The following DNAAF1 variants were observed in gnomAD, a reference collection of about 807,000 sequenced individuals.
DNAAF1 encodes the protein dynein axonemal assembly factor 1, also known as dynein assembly factor 1, axonemal.
DNAAF1 carries 65 observed loss-of-function variants against 71.1 expected under a neutral mutation model. The ratio of observed to expected loss-of-function variants is 0.91; its 90% CI spans 0.75 to 1.12. DNAAF1 has a LOEUF of 1.12. DNAAF1 is among the 50% of genes most tolerant of loss of function. The pLI is 0.00. For missense variants in DNAAF1, 1,178 were observed against 899.8 expected (o/e 1.31, Z -3.96); for synonymous variants, 414 against 354.6 (o/e 1.17, Z -1.88).
At chr16:84,168,723 A>G (rs2088154821) in intron 7 of DNAAF1, among the ~76,000 whole-genome samples, 1 of 152,166 alleles carries the variant, frequency 6.6e-6, no homozygotes, top group African/African-American at 2.4e-5. Context: ...TTGAAATGTT[A>G]AAAATTTTCA....
rs528877267 is a variant in DNAAF1, at chr16:84,153,147, GAA to G, written c.353-1421_353-1420del. Among the ~76,000 whole-genome samples the G allele has an allele frequency of 5.5e-3, 815 of 149,518 alleles. 4 individuals are homozygous for G. The highest frequency in any genetic ancestry group is 0.019 in the African/African-American group (775 of 40,842). ...ACAGTGGTGTTGTGGCTATCTTAAA[GAA>G]AAAAAAAATCCTATCTTTTATAGAT... is the stretch of plus-strand genomic sequence containing the variant. On this transcript the variant is annotated intron_variant, in intron 3 of 11. Transcript: ENST00000378553.
chr16:84,160,016 T>C (rs2087626857), intron 6 of DNAAF1, among the ~76,000 whole-genome samples: 1 of 152,206 alleles, frequency 6.6e-6, no homozygotes, highest in African/African-American at 2.4e-5. Context: ...ATCAGTCGTT[T>C]ACCTCTTTGC....
At chr16:84,175,324 C>T in intron 10 of DNAAF1, 1 of 176,112 alleles carries the variant, frequency 5.7e-6, no homozygotes, top group Non-Finnish European at 1.2e-5. Context: ...ATTTCTATGT[C>T]CATCCTATGA....
intron 6 of DNAAF1, among the ~76,000 whole-genome samples, chr16:84,164,671 A>G (rs1057419760): frequency 6.6e-6 from 1 of 152,176 alleles, no homozygotes; most frequent in Non-Finnish European, 1.5e-5. Flanking sequence ...CACCTACTAA[A>G]AGACATCTTG....
intron 3 of DNAAF1, among the ~76,000 whole-genome samples, chr16:84,152,235 C>T (rs1376668832): frequency 1.3e-5 from 2 of 152,146 alleles, no homozygotes; most frequent in Non-Finnish European, 2.9e-5. Flanking sequence ...GGGGTAAGAG[C>T]TAGAGCAAAG....
Position 84,149,030 on chromosome 16 carries a change from T to G in DNAAF1, c.148T>G (p.Cys50Gly), listed in dbSNP as rs1268513300. Residue 50 changes from cysteine (C) to glycine (G), a missense_variant, in exon 2 of 12, where the codon TGT becomes GGT. Coordinates refer to ENST00000378553, the MANE Select transcript of DNAAF1 (RefSeq NM_178452.6). ...KEEINDPKEI[C>G]VGSSDTSYHS... ...AGAAATTAATGATCCTAAGGAAATA[T>G]GTGTGGGTTCTTCTGACACATCCTA... 2.5e-6 allele frequency: 4 copies of G among 1,614,140 alleles called. No homozygotes were observed. The Middle Eastern group carries it at 4.9e-4, about 200-fold the overall frequency.
Position 84,177,825 on chromosome 16 carries a change from C to A in DNAAF1, c.2162C>A (p.Ala721Glu). ...ACGTGGGACCTCACTGCATTCCCAG[C>A]ACCGAAAGCATCATAGTTTTCCCCA... ...LPTWDLTAFP[A>E]PKAS Residue 721 changes from alanine to glutamate, a missense_variant, in exon 12 of 12, where the codon GCA becomes GAA. Coordinates refer to ENST00000378553, the MANE Select transcript of DNAAF1 (RefSeq NM_178452.6). 1.2e-6 allele frequency: 2 copies of A among 1,613,710 alleles called. No individual in the cohort carries two copies. Among genetic ancestry groups the A allele is most frequent in the Non-Finnish European group, 8.5e-7 (1 of 1,179,682 alleles).
Position 84,170,000 on chromosome 16 carries a change from C to T in DNAAF1, c.1172C>T (p.Pro391Leu), listed in dbSNP as rs767204860. Residue 391 changes from proline to leucine, a missense_variant, in exon 8 of 12, where the codon CCG becomes CTG. Coordinates refer to ENST00000378553, the MANE Select transcript of DNAAF1 (RefSeq NM_178452.6). ...TTTGAGGCCAAGGACGAGCTCTGCC[C>T]GGAAAAGCCAAGTGGAGAGGAGCCG... ...ESFEAKDELCPEKPSGEEPPV... is the reference protein window; with the variant it reads ...ESFEAKDELCLEKPSGEEPPV... 9.6e-5 allele frequency: 155 copies of T among 1,613,792 alleles called. No individual in the cohort carries two copies. Among genetic ancestry groups the T allele is most frequent in the South Asian group, 5.1e-4 (46 of 91,078 alleles).
At chr16:84,172,563 C>A in intron 9 of DNAAF1, 188 bp downstream of exon 9, 1 of 1,427,942 alleles carries the variant, frequency 7.0e-7, no homozygotes. Context: ...TGATTAGAAT[C>A]CAACTTTCAT....
At position 84,145,633 on chromosome 16, in the gene DNAAF1, C is replaced by T. The variant is rs954979646; in HGVS notation, c.124+69C>T. ...ACGGCTAGGCGCTCCAGCCCCCTTC[C>T]CACACCACATACCCGATCTTCACAG... On this transcript the variant is annotated intron_variant, in intron 1 of 11. Transcript: ENST00000378553. 3 of 1,516,946 alleles carry T rather than the reference C, an allele frequency of 2.0e-6. No homozygotes were observed. In the Admixed American group the frequency reaches 6.0e-5, roughly 30 times the overall value. 94.0% of individuals were successfully genotyped at this position (1,516,946 alleles called of 1,614,324 possible).
Position 84,145,372 on chromosome 16 carries a change from C to T in DNAAF1, c.-69C>T. 1 of 1,548,260 alleles carries T rather than the reference C, an allele frequency of 6.5e-7. No homozygotes were observed. Among genetic ancestry groups the T allele is most frequent in the South Asian group, 1.2e-5 (1 of 84,208 alleles). ...AGGGTACTCTCTGGCTGGGCTGGGG[C>T]CGTAGCGACGTCCGCCGCGAACCTG... is the stretch of plus-strand genomic sequence containing the variant. On this transcript the variant is annotated 5_prime_UTR_variant, in exon 1 of 12. Coordinates refer to ENST00000378553, the MANE Select transcript of DNAAF1 (RefSeq NM_178452.6).
chr16:84,174,176 A>C, intron 9 of DNAAF1: 1 of 1,006,312 alleles, frequency 9.9e-7, no homozygotes, highest in Non-Finnish European at 1.2e-6. Context: ...CATGCATCCA[A>C]CCACACACTA....
intron 7 of DNAAF1, among the ~76,000 whole-genome samples, chr16:84,167,081 T>A (rs1368808874): frequency 6.6e-6 from 1 of 152,224 alleles, no homozygotes; most frequent in African/African-American, 2.4e-5. Flanking sequence ...CCTGTACTTC[T>A]AACAGAATGG....
intron 9 of DNAAF1, 100 bp downstream of exon 9, chr16:84,172,475 G>A (rs1381471129): frequency 6.5e-6 from 10 of 1,541,146 alleles, no homozygotes; most frequent in African/African-American, 1.4e-5. Flanking sequence ...CCCCAAGTGT[G>A]GTCCTTGGGC....
At chr16:84,167,444 A>C (rs1389875939) in intron 7 of DNAAF1, among the ~76,000 whole-genome samples, 1 of 152,078 alleles carries the variant, frequency 6.6e-6, no homozygotes, top group Admixed American at 6.6e-5. Context: ...GCCCCAGCTG[A>C]AAGCTCCAAG....
chr16:84,158,549 A>G (rs539997279), intron 5 of DNAAF1, among the ~76,000 whole-genome samples: 4 of 152,304 alleles, frequency 2.6e-5, no homozygotes, highest in South Asian at 4.2e-4. Flanking sequence ...TTAGGACACA[A>G]TTCAGCCCAG....
In DNAAF1 at chr16:84,172,317, C is replaced by G. The variant is rs780536622; in HGVS notation, c.1586C>G (p.Thr529Arg). 1.9e-6 allele frequency: 3 copies of G among 1,614,154 alleles called. No individual in the cohort carries two copies. The highest frequency in any genetic ancestry group is 8.5e-7 in the Non-Finnish European group (1 of 1,180,040). Residue 529 changes from threonine (T) to arginine (R), a missense_variant, in exon 9 of 12, where the codon ACG becomes AGG. Thr to Arg is a moderately conservative substitution (Grantham distance 71). Coordinates refer to ENST00000378553, the MANE Select transcript of DNAAF1 (RefSeq NM_178452.6). ...GTATTCGTTACAGAACTTGATGGAA[C>G]GAGAACGGAAGATTTAGAAACCATT... ...EGVFVTELDG[T>R]RTEDLETIRL...
Position 84,145,371 on chromosome 16 carries a change from G to C in DNAAF1, c.-70G>C. The C allele has an allele frequency of 6.5e-7, 1 of 1,548,458 alleles. No individual in the cohort carries two copies. Among genetic ancestry groups the C allele is most frequent in the Non-Finnish European group, 8.7e-7 (1 of 1,147,892 alleles). On this transcript the variant is annotated 5_prime_UTR_variant, in exon 1 of 12. Transcript: ENST00000378553. ...GAGGGTACTCTCTGGCTGGGCTGGG[G>C]CCGTAGCGACGTCCGCCGCGAACCT...
intron 7 of DNAAF1, 112 bp downstream of exon 7, chr16:84,166,061 T>TTG: frequency 9.8e-7 from 1 of 1,021,234 alleles, no homozygotes; most frequent in Non-Finnish European, 1.4e-6. Flanking sequence ...TTTTTTTTTT[T>TTG]TTTAGACAGA....
Sources: allele counts gnomAD v4.1 joint callset (sites outside exome capture counted in the v4.1 genomes callset), GRCh38; gene constraint gnomAD v4.1.1; transcripts MANE v1.5; gene names NCBI Gene and HGNC (gene_info 2026-07-23, HGNC 2026-07-21).